The following RHEX variants were observed in gnomAD, a reference collection of about 807,000 sequenced individuals.
The protein encoded by RHEX is regulator of hemoglobinization and erythroid cell expansion.
A neutral mutation model predicts 20.1 loss-of-function variants in RHEX; 18 were observed. That is an observed-to-expected ratio of 0.90 (90% confidence interval 0.62 to 1.33). RHEX has a LOEUF of 1.33. Ranked by LOEUF, RHEX falls within the 40% of genes most tolerant of loss-of-function variation. RHEX has a pLI of 0.00. For synonymous variants in RHEX, 87 were observed against 77.1 expected, an observed-to-expected ratio of 1.13 and a Z score of -0.67; for missense variants, 192 against 214.3, an observed-to-expected ratio of 0.90 and a Z score of 0.65.
intron 1 of RHEX, among the ~76,000 whole-genome samples, chr1:206,083,301 T>G (rs567048444): frequency 2.6e-5 from 4 of 152,356 alleles, no homozygotes; most frequent in Admixed American, 2.6e-4. Flanking sequence ...CTTTCCACTC[T>G]ACCTGGCTGC....
rs1662439982 is a variant in RHEX, at chr1:206,067,306, T to A, written c.-97+14041T>A. ...GGACTCCAGAACGTGATTCCCGGTC[T>A]CTCCACCTTAATCCTGTCATCATCC... On this transcript the variant is annotated intron_variant, in intron 1 of 5. Transcript: ENST00000331555. The surrounding 1 kb of genome is among the most constrained non-coding windows in gnomAD (Gnocchi z 4.6). 3.3e-5 allele frequency among the ~76,000 whole-genome samples: 5 copies of A among 152,292 alleles called. No individual in the cohort carries two copies. In the South Asian group the frequency reaches 1.0e-3, roughly 32 times the overall value.
At chr1:206,078,640 A>G (rs1020178084) in intron 1 of RHEX, among the ~76,000 whole-genome samples, 8 of 152,230 alleles carry the variant, frequency 5.3e-5, no homozygotes. Flanking sequence ...AGTGCTTCAT[A>G]TGAGTTCATT....
Position 206,098,078 on chromosome 1 carries a change from C to T in RHEX, c.12-3C>T, listed in dbSNP as rs781997778. The T allele has an allele frequency of 1.2e-5, 20 of 1,611,672 alleles. No individual in the cohort carries two copies. Among genetic ancestry groups the T allele is most frequent in the Non-Finnish European group, 8.5e-7 (1 of 1,177,858 alleles). On this transcript the variant is annotated splice_polypyrimidine_tract_variant and splice_region_variant and intron_variant, in intron 2 of 5. Transcript: ENST00000331555. ...GACTTTGCCCCTTTTTCTTTCCCAA[C>T]AGAGTCATGGAGGTCTGGCATGGCT...
At chr1:206,098,231 C>G in intron 3 of RHEX, 50 bp downstream of exon 3, 2 of 1,339,588 alleles carry the variant, frequency 1.5e-6, no homozygotes, top group South Asian at 1.2e-5. Flanking sequence ...AGAGACCATT[C>G]TCGAGCCTCC....
Position 206,101,138 on chromosome 1 carries a change from G to T in RHEX, c.259G>T (p.Asp87Tyr), listed in dbSNP as rs1203947450. 1 of 1,612,072 alleles carries T rather than the reference G, an allele frequency of 6.2e-7. No homozygotes were observed. The highest frequency in any genetic ancestry group is 1.7e-5 in the Admixed American group (1 of 59,544). ...IPMSDSLYRH[D>Y]SDTPSDSLDS... is the part of the protein sequence containing the mutation. ...GAACCGTTTCTATTTCTCCCCAGAT[G>T]ACAGCGACACACCCTCAGATAGCTT... The change falls in exon 5 of 6, where the codon GAC becomes TAC. Residue 87 changes from aspartate (D) to tyrosine (Y), a missense_variant and splice_region_variant. By Grantham distance (160) the Asp-to-Tyr change is radical. Transcript: ENST00000331555.
intron 1 of RHEX, among the ~76,000 whole-genome samples, chr1:206,086,263 A>G (rs2102322276): frequency 6.6e-6 from 1 of 152,282 alleles, no homozygotes; most frequent in East Asian, 1.9e-4. Flanking sequence ...TTATACATTT[A>G]AGACAATTTT....
In RHEX at chr1:206,102,294, A is replaced by C. The variant is rs1171383688; in HGVS notation, c.*342A>C. On this transcript the variant is annotated 3_prime_UTR_variant, in exon 6 of 6. Coordinates refer to ENST00000331555, the MANE Select transcript of RHEX (RefSeq NM_001007544.4). ...GAGTCCATCAGCAGAGATAGTAGTG[A>C]AGTCTCTCCCCAGGGAAAATTTTAA... is the stretch of plus-strand genomic sequence containing the variant. The C allele has an allele frequency of 3.9e-6, 1 of 258,740 alleles. No individual in the cohort carries two copies. Among genetic ancestry groups the C allele is most frequent in the Non-Finnish European group, 7.4e-6 (1 of 134,626 alleles). 16.0% of individuals were successfully genotyped at this position (258,740 alleles called of 1,614,324 possible). A position where few individuals can be genotyped will look rare whatever the true frequency, so the allele number is the denominator to read the frequency against.
At chr1:206,069,534 A>G (rs1360925461) in intron 1 of RHEX, among the ~76,000 whole-genome samples, 4 of 152,158 alleles carry the variant, frequency 2.6e-5, no homozygotes, top group African/African-American at 7.2e-5. Context: ...ATGACCAACC[A>G]TCCTGGTTGG....
intron 1 of RHEX, among the ~76,000 whole-genome samples, chr1:206,058,219 G>A (rs1380047164): frequency 6.6e-5 from 10 of 152,368 alleles, no homozygotes; most frequent in Admixed American, 4.6e-4. Flanking sequence ...AGTAATAATA[G>A]TAATAGGAAC....
Position 206,055,205 on chromosome 1 carries a change from C to T in RHEX, c.-97+1940C>T, listed in dbSNP as rs543708216. 1.4e-4 allele frequency among the ~76,000 whole-genome samples: 21 copies of T among 152,376 alleles called. No homozygotes were observed. The South Asian group carries it at 3.7e-3, about 27-fold the overall frequency. On this transcript the variant is annotated intron_variant, in intron 1 of 5. Coordinates refer to ENST00000331555, the MANE Select transcript of RHEX (RefSeq NM_001007544.4). ...TCCCTGCGGGTCAGCCCCTGAGGGC[C>T]GTCCAGCTTCCGTCTCCCAACACTA...
chr1:206,098,863 C>T (rs1236284215), intron 3 of RHEX, among the ~76,000 whole-genome samples: 1 of 152,140 alleles, frequency 6.6e-6, no homozygotes, highest in Non-Finnish European at 1.5e-5. Flanking sequence ...ATCTTTCATT[C>T]CATGTGACAA....
At chr1:206,057,546 C>T (rs1315788201) in intron 1 of RHEX, among the ~76,000 whole-genome samples, 1 of 152,244 alleles carries the variant, frequency 6.6e-6, no homozygotes, top group Non-Finnish European at 1.5e-5. Context: ...CTGTTTGGGC[C>T]CACCCAGAAT....
chr1:206,063,809 G>A (rs1190850307), intron 1 of RHEX, among the ~76,000 whole-genome samples: 1 of 151,956 alleles, frequency 6.6e-6, no homozygotes, highest in African/African-American at 2.4e-5. Context: ...CTGCCCGGCC[G>A]CCACCCCGTC....
intron 1 of RHEX, among the ~76,000 whole-genome samples, chr1:206,072,829 C>CTTTTTTTT (rs71152466): frequency 8.2e-6 from 1 of 121,650 alleles, no homozygotes; most frequent in Non-Finnish European, 1.7e-5. Context: ...CCTCCTGTGT[C>CTTTTTTTT]TTTTTTTTTT....
At chr1:206,070,218 T>C (rs542621858) in intron 1 of RHEX, among the ~76,000 whole-genome samples, 34 of 151,968 alleles carry the variant, frequency 2.2e-4, no homozygotes, top group African/African-American at 7.2e-4. Context: ...AGTAGAAGGG[T>C]CTATAGTCCT....
intron 1 of RHEX, among the ~76,000 whole-genome samples, chr1:206,077,076 GT>G (rs1662647932): frequency 6.6e-6 from 1 of 152,156 alleles, no homozygotes; most frequent in Non-Finnish European, 1.5e-5. Context: ...CATGCATCGT[GT>G]CCACTCCCTA....
At chr1:206,069,972 C>A (rs897663349) in intron 1 of RHEX, among the ~76,000 whole-genome samples, 1 of 151,440 alleles carries the variant, frequency 6.6e-6, no homozygotes, top group Non-Finnish European at 1.5e-5. Flanking sequence ...AAGATAACCA[C>A]ATATATGTAT....
intron 1 of RHEX, among the ~76,000 whole-genome samples, chr1:206,063,195 G>A (rs1662339820): frequency 6.6e-6 from 1 of 152,064 alleles, no homozygotes; most frequent in South Asian, 2.1e-4. Context: ...TGAGGTAGAC[G>A]TGTACCTGAC....
At position 206,098,195 on chromosome 1, in the gene RHEX, C is replaced by T; in HGVS notation, c.112+14C>T. Reference sequence around the variant, plus strand: ...GCAGGCACATGGGTAACTGGCTCAGCATCCTCTTCCCTCCTAGTCACTCTC... The same window carrying T: ...GCAGGCACATGGGTAACTGGCTCAGTATCCTCTTCCCTCCTAGTCACTCTC... On this transcript the variant is annotated intron_variant, in intron 3 of 5. Coordinates refer to ENST00000331555, the MANE Select transcript of RHEX (RefSeq NM_001007544.4). 6.4e-7 allele frequency: 1 copy of T among 1,558,554 alleles called. No homozygotes were observed. The highest frequency in any genetic ancestry group is 8.9e-7 in the Non-Finnish European group (1 of 1,129,284).
Sources: gnomAD v4.1 joint callset for allele counts (sites outside exome capture counted in the v4.1 genomes callset) on GRCh38, gnomAD v4.1.1 for gene constraint, Gnocchi (gnomAD v3.1) non-coding constraint, MANE v1.5 for transcripts, NCBI Gene and HGNC (gene_info 2026-07-23, HGNC 2026-07-21) for gene names.